DNAH8: variants seen among roughly 807,000 people sequenced by gnomAD.
DNAH8 encodes the protein axonemal beta dynein heavy chain 8.
A neutral mutation model predicts 562.1 loss-of-function variants in DNAH8; 382 were observed. The observed-to-expected ratio is 0.68, with a 90% confidence interval of 0.63 to 0.74. The LOEUF (loss-of-function observed/expected upper bound fraction) is 0.74. Among genes scored for constraint, DNAH8 ranks in the 30% least tolerant of loss-of-function variants. The pLI is 0.00. For synonymous variants in DNAH8, 1,881 were observed against 1,919.4 expected, an observed-to-expected ratio of 0.98 and a Z score of 0.52; for missense variants, 5,203 against 5,620.4, an observed-to-expected ratio of 0.93 and a Z score of 2.37.
At chr6:38,842,309 A>G (rs766642390) in intron 33 of DNAH8, 59 bp from the exon 34 acceptor site, 9 of 1,413,606 alleles carry the variant, frequency 6.4e-6, no homozygotes, top group South Asian at 1.4e-5. Flanking sequence ...TGCCTTTCCA[A>G]TAATGGACTT....
chr6:38,963,354 A>T (rs1762752169), intron 82 of DNAH8, among the ~76,000 whole-genome samples: 1 of 53,668 alleles, frequency 1.9e-5, no homozygotes, highest in African/African-American at 8.1e-5. Context: ...ATTTTCTTTG[A>T]GAAAGTCCTT....
intron 45 of DNAH8, among the ~76,000 whole-genome samples, chr6:38,865,122 C>T (rs1776940516): frequency 6.6e-6 from 1 of 152,094 alleles, no homozygotes; most frequent in Non-Finnish European, 1.5e-5. Flanking sequence ...TTATGTATCA[C>T]CAGTTTTAAA....
At chr6:39,007,068 A>T (rs911777534) in intron 88 of DNAH8, among the ~76,000 whole-genome samples, 1 of 152,082 alleles carries the variant, frequency 6.6e-6, no homozygotes, top group African/African-American at 2.4e-5. Flanking sequence ...CATTCATTTT[A>T]TTTGACCCTG....
intron 88 of DNAH8, among the ~76,000 whole-genome samples, chr6:38,999,502 A>G (rs1765342604): frequency 1.3e-5 from 2 of 151,910 alleles, no homozygotes; most frequent in African/African-American, 4.8e-5. Context: ...ATCATTAAAG[A>G]TCTGCATTGA....
chr6:38,853,622 C>CGTGT (rs147843227), intron 41 of DNAH8, among the ~76,000 whole-genome samples: 12 of 150,874 alleles, frequency 8.0e-5, no homozygotes, highest in African/African-American at 2.9e-4. Flanking sequence ...CATATGTAAG[C>CGTGT]GTGTGTGTGT....
chr6:39,013,039 A>T (rs1766334551), intron 91 of DNAH8, among the ~76,000 whole-genome samples: 1 of 152,254 alleles, frequency 6.6e-6, no homozygotes, highest in South Asian at 2.1e-4. Flanking sequence ...ATTGGTTTCA[A>T]AAATGACTGT....
At chr6:38,929,464 G>A (rs746371017) in intron 74 of DNAH8, 47 bp from the exon 75 acceptor site, 2 of 1,490,522 alleles carry the variant, frequency 1.3e-6, no homozygotes, top group South Asian at 1.5e-5. Flanking sequence ...TTAGCAATGG[G>A]CACATTCTTT....
At chr6:38,967,272 G>A (rs900560888) in intron 82 of DNAH8, among the ~76,000 whole-genome samples, 2 of 151,786 alleles carry the variant, frequency 1.3e-5, no homozygotes, top group African/African-American at 2.4e-5. Flanking sequence ...TGTATTGGTG[G>A]TTCTAGATAG....
intron 22 of DNAH8, among the ~76,000 whole-genome samples, chr6:38,804,006 G>T (rs1054819257): frequency 1.3e-5 from 2 of 152,148 alleles, no homozygotes; most frequent in African/African-American, 2.4e-5. Context: ...CATTCAGTTG[G>T]CTTGACTGGG....
In DNAH8 at chr6:39,019,769, C is replaced by T. The variant is rs185515173; in HGVS notation, c.13715-6777C>T. ...GATGCTGAATGGGGTACTGGAGAGACCCAGGTGTTGTCAGAGTGCTTAATG... is the reference window on the plus strand; with the variant it reads ...GATGCTGAATGGGGTACTGGAGAGATCCAGGTGTTGTCAGAGTGCTTAATG... On this transcript the variant is annotated intron_variant, in intron 91 of 92. Transcript: ENST00000327475. 5.9e-5 allele frequency among the ~76,000 whole-genome samples: 9 copies of T among 152,208 alleles called. No individual in the cohort carries two copies. The East Asian group carries it at 1.7e-3, about 29-fold the overall frequency.
intron 8 of DNAH8, among the ~76,000 whole-genome samples, chr6:38,746,204 C>G (rs1582889109): frequency 1.3e-5 from 2 of 152,160 alleles, no homozygotes; most frequent in East Asian, 3.8e-4. Flanking sequence ...AATATAGCCT[C>G]ATGGGTATTT....
At chr6:38,910,408 C>G (rs1032387810) in intron 65 of DNAH8, among the ~76,000 whole-genome samples, 1 of 152,134 alleles carries the variant, frequency 6.6e-6, no homozygotes, top group Non-Finnish European at 1.5e-5. Context: ...AGAGAGTTTG[C>G]GTAACACTTT....
At chr6:38,732,545 T>C (rs1053967078) in intron 4 of DNAH8, among the ~76,000 whole-genome samples, 1 of 152,162 alleles carries the variant, frequency 6.6e-6, no homozygotes, top group Non-Finnish European at 1.5e-5. Flanking sequence ...AAGCAGTGTT[T>C]CGGGAGGCGG....
chr6:38,860,842 C>T (rs990013682), intron 43 of DNAH8, among the ~76,000 whole-genome samples: 5 of 152,072 alleles, frequency 3.3e-5, no homozygotes, highest in African/African-American at 1.2e-4. Flanking sequence ...TAAAAGCAAG[C>T]TTGAATGTTG....
At chr6:38,967,742 C>T (rs1035439698) in intron 82 of DNAH8, among the ~76,000 whole-genome samples, 2 of 152,066 alleles carry the variant, frequency 1.3e-5, no homozygotes, top group Non-Finnish European at 2.9e-5. Context: ...AAAATCCCAA[C>T]AGCCTTTTTT....
intron 52 of DNAH8, among the ~76,000 whole-genome samples, chr6:38,873,768 A>ACACACG (rs1393077666): frequency 2.0e-5 from 1 of 51,220 alleles, no homozygotes; most frequent in Non-Finnish European, 4.2e-5. Flanking sequence ...ACACACACAC[A>ACACACG]CCCCTGCACT....
chr6:38,892,671 C>G (rs754386897), intron 58 of DNAH8, among the ~76,000 whole-genome samples: 1 of 152,138 alleles, frequency 6.6e-6, no homozygotes, highest in Non-Finnish European at 1.5e-5. Flanking sequence ...TTCTTGCTCT[C>G]TTGGAGTCTG....
intron 21 of DNAH8, among the ~76,000 whole-genome samples, chr6:38,793,825 C>A (rs1769980041): frequency 6.6e-6 from 1 of 151,954 alleles, no homozygotes; most frequent in Non-Finnish European, 1.5e-5. Flanking sequence ...ATTTCACTAT[C>A]TGAAAAAAAT....
intron 74 of DNAH8, 75 bp downstream of exon 74, chr6:38,926,285 G>T: frequency 6.6e-7 from 1 of 1,505,634 alleles, no homozygotes; most frequent in South Asian, 1.3e-5. Flanking sequence ...TGAATCTGCA[G>T]TCATAAAGTT....
Sources: gnomAD v4.1 joint callset for allele counts (sites outside exome capture counted in the v4.1 genomes callset) on GRCh38, gnomAD v4.1.1 for gene constraint, MANE v1.5 for transcripts, NCBI Gene and HGNC (gene_info 2026-07-23, HGNC 2026-07-21) for gene names.